TENM1: variants seen among roughly 807,000 people sequenced by gnomAD.
The protein encoded by TENM1 is teneurin transmembrane protein 1, also known as teneurin-1.
A neutral mutation model predicts 174.8 loss-of-function variants in TENM1; 35 were observed. That is an observed-to-expected ratio of 0.20 (90% CI 0.15 to 0.27). TENM1 has a LOEUF of 0.27. Ranked by LOEUF, TENM1 falls within the 10% of genes least tolerant of loss-of-function variation. The pLI is 1.00. For synonymous variants in TENM1, 781 were observed against 798.7 expected (o/e 0.98, Z 0.37); for missense variants, 1,633 against 2,130.1 (o/e 0.77, Z 4.59).
the TENM1 span, among the ~76,000 whole-genome samples, chrX:125,190,721 TA>T: frequency 2.7e-5 from 3 of 111,697 alleles, no homozygotes; most frequent in African/African-American, 9.7e-5. Flanking sequence ...TGGCAATATT[TA>T]TTTTTTTGTT....
At chrX:124,705,197 A>C in exon 5 of TENM1, 1 of 1,209,803 alleles carries the variant, frequency 8.3e-7, no homozygotes, top group East Asian at 3.0e-5. Flanking sequence ...GGTAGTTCTG[A>C]CTGGCTGCAC....
At chrX:125,201,927 T>A in the TENM1 span, among the ~76,000 whole-genome samples, 1 of 111,729 alleles carries the variant, frequency 9.0e-6, no homozygotes, top group African/African-American at 3.3e-5. Context: ...TACTATGCCT[T>A]ATGAAAATTC....
chrX:124,644,044 C>CATATATATATATAT (rs72253813), intron 10 of TENM1, among the ~76,000 whole-genome samples: 1 of 79,203 alleles, frequency 1.3e-5, no homozygotes, highest in Admixed American at 1.5e-4. Flanking sequence ...ATATAAATGG[C>CATATATATATATAT]ATATATATAT....
the TENM1 span, among the ~76,000 whole-genome samples, chrX:125,173,418 C>G: frequency 7.6e-3 from 843 of 111,285 alleles, 14 homozygotes; most frequent in African/African-American, 0.026. Context: ...ACAGTTGTCA[C>G]TATCATTGGA....
At chrX:124,630,439 T>A (rs1200517133) in intron 11 of TENM1, among the ~76,000 whole-genome samples, 1 of 112,367 alleles carries the variant, frequency 8.9e-6, no homozygotes, top group East Asian at 2.8e-4. Flanking sequence ...TCTAATATTG[T>A]TACCCATACC....
chrX:124,850,872 A>C (rs756260804), intron 3 of TENM1, among the ~76,000 whole-genome samples: 1 of 111,548 alleles, frequency 9.0e-6, no homozygotes, highest in South Asian at 3.7e-4. Context: ...GATTTTATAG[A>C]GTGTGATTTT....
chrX:124,505,843 C>A (rs2148003731), intron 18 of TENM1, among the ~76,000 whole-genome samples: 1 of 111,859 alleles, frequency 8.9e-6, no homozygotes, highest in Non-Finnish European at 1.9e-5. Context: ...CTGTAGTAGA[C>A]AATCCTTTTA....
At chrX:124,934,978 G>A (rs2058224329) in intron 1 of TENM1, among the ~76,000 whole-genome samples, 1 of 110,278 alleles carries the variant, frequency 9.1e-6, no homozygotes, top group African/African-American at 3.3e-5. Flanking sequence ...ACTGAGGAGA[G>A]TTGAGAACAA....
chrX:124,816,328 G>A (rs1172100930), intron 3 of TENM1, among the ~76,000 whole-genome samples: 1 of 112,251 alleles, frequency 8.9e-6, no homozygotes, highest in Non-Finnish European at 1.9e-5. Flanking sequence ...ATGAATGCAT[G>A]TATGTGTATA....
At chrX:124,637,237 A>G (rs1416911675) in intron 11 of TENM1, among the ~76,000 whole-genome samples, 1 of 109,684 alleles carries the variant, frequency 9.1e-6, no homozygotes, top group East Asian at 2.9e-4. Flanking sequence ...CTATGGGCGC[A>G]CGCCACCATG....
At chrX:125,127,720 G>A in the TENM1 span, among the ~76,000 whole-genome samples, 2 of 111,038 alleles carry the variant, frequency 1.8e-5, no homozygotes, top group African/African-American at 6.5e-5. Flanking sequence ...TTAGGTAAAA[G>A]GGAAGGGAGA....
chrX:125,098,320 T>C, the TENM1 span, among the ~76,000 whole-genome samples: 2 of 111,954 alleles, frequency 1.8e-5, no homozygotes, highest in Non-Finnish European at 3.8e-5. Context: ...AAAAACTCCA[T>C]AGGATCTATT....
intron 1 of TENM1, among the ~76,000 whole-genome samples, chrX:124,936,248 C>T (rs2058241957): frequency 1.8e-5 from 2 of 111,938 alleles, no homozygotes; most frequent in African/African-American, 6.5e-5. Flanking sequence ...AACATAATCA[C>T]ATTGGTTTCC....
intron 1 of TENM1, among the ~76,000 whole-genome samples, chrX:124,913,906 T>G (rs2057878077): frequency 8.9e-6 from 1 of 111,913 alleles, no homozygotes; most frequent in African/African-American, 3.2e-5. Context: ...GTGCTTGTCC[T>G]GTGGCAAACA....
chrX:124,423,636 T>A (rs5958486), intron 23 of TENM1, among the ~76,000 whole-genome samples: 1 of 109,223 alleles, frequency 9.2e-6, no homozygotes. Flanking sequence ...AGGAGAAGAA[T>A]TGGGTGGAAG....
At chrX:124,792,317 G>C (rs1396183139) in intron 3 of TENM1, among the ~76,000 whole-genome samples, 2 of 111,965 alleles carry the variant, frequency 1.8e-5, no homozygotes, top group Non-Finnish European at 3.8e-5. Flanking sequence ...AGTAGGCATA[G>C]GTCGTTTTGT....
chrX:124,409,442 C>T (rs1289322146), intron 25 of TENM1, among the ~76,000 whole-genome samples: 2 of 107,832 alleles, frequency 1.9e-5, no homozygotes, highest in Non-Finnish European at 3.8e-5. Flanking sequence ...AAACTGGAAG[C>T]ATTCCCTTTG....
At chrX:124,420,699 G>T in exon 25 of TENM1, 3 of 1,211,562 alleles carry the variant, frequency 2.5e-6, no homozygotes, top group Non-Finnish European at 3.4e-6. Flanking sequence ...AGGTGGGCTT[G>T]GTTCCTGCTG....
intron 1 of TENM1, among the ~76,000 whole-genome samples, chrX:124,921,676 T>A (rs2058024551): frequency 9.0e-6 from 1 of 111,304 alleles, no homozygotes. Flanking sequence ...CTTCTGGATC[T>A]TGTTAGTCCT....
Sources: allele counts gnomAD v4.1 joint callset (sites outside exome capture counted in the v4.1 genomes callset), GRCh38; gene constraint gnomAD v4.1.1; transcripts MANE v1.5; gene names NCBI Gene and HGNC (gene_info 2026-07-23, HGNC 2026-07-21).